Variants in ANOS1 observed in about 807,000 individuals in gnomAD.
The protein encoded by ANOS1 is anosmin-1.
ANOS1 carries 6 observed loss-of-function variants against 59.0 expected under a neutral mutation model. The ratio of observed to expected loss-of-function variants is 0.10; its 90% CI spans 0.06 to 0.20. The LOEUF is 0.20. Among genes scored for constraint, ANOS1 ranks in the 10% least tolerant of loss-of-function variants. ANOS1 has a pLI of 1.00. For missense variants in ANOS1, 433 were observed against 542.3 expected (o/e 0.80, Z 2.00); for synonymous variants, 217 against 223.4 (o/e 0.97, Z 0.25).
At chrX:8,721,485 T>C (rs1932874514) in intron 1 of ANOS1, among the ~76,000 whole-genome samples, 1 of 112,025 alleles carries the variant, frequency 8.9e-6, no homozygotes, top group East Asian at 2.8e-4. Flanking sequence ...CTGTGTCAGC[T>C]CCAAAACACT....
intron 3 of ANOS1, among the ~76,000 whole-genome samples, chrX:8,616,061 A>G (rs1931170297): frequency 9.1e-6 from 1 of 110,289 alleles, no homozygotes; most frequent in African/African-American, 3.3e-5. Context: ...TTTTTACAGT[A>G]ATGCTCACTG....
At chrX:8,705,043 A>G (rs918469615) in intron 1 of ANOS1, among the ~76,000 whole-genome samples, 34 of 111,588 alleles carry the variant, frequency 3.0e-4, no homozygotes, top group Middle Eastern at 4.6e-3. Flanking sequence ...CCTTGGGTGG[A>G]AGCAATTTTT....
chrX:8,682,354 CCA>C (rs757532758), intron 2 of ANOS1, among the ~76,000 whole-genome samples: 81 of 101,223 alleles, frequency 8.0e-4, no homozygotes, highest in Middle Eastern at 5.1e-3. Context: ...GAGAATTTCA[CCA>C]CACACACACA....
chrX:8,597,658 C>CTTT lies in ANOS1; in HGVS notation c.319-405_319-403dup, dbSNP rs35836743. ...ACTCTCTTTAATTTTTTCTTTCTCC[C>CTTT]TTTTTTTTTTTTTTTTTTTTTTTTT... On this transcript the variant is annotated intron_variant, in intron 3 of 13. Transcript: ENST00000262648. Among the ~76,000 whole-genome samples the CTTT allele has an allele frequency of 6.4e-3, 161 of 25,160 alleles. 7 individuals carry two copies. The highest frequency in any genetic ancestry group is 0.022 in the African/African-American group (159 of 7,308). The allele number at this position is 25,160 out of a possible 115,157, so 21.8% of individuals were successfully genotyped here. A position where few individuals can be genotyped will look rare whatever the true frequency, so the allele number is the denominator to read the frequency against.
chrX:8,567,664 C>T (rs992037111), intron 8 of ANOS1, among the ~76,000 whole-genome samples: 27 of 111,117 alleles, frequency 2.4e-4, no homozygotes, highest in Non-Finnish European at 4.3e-4. Flanking sequence ...CATGGTGGTG[C>T]ACGCCTGTAA....
At chrX:8,721,125 T>C (rs1312519854) in intron 1 of ANOS1, among the ~76,000 whole-genome samples, 1 of 111,341 alleles carries the variant, frequency 9.0e-6, no homozygotes. Flanking sequence ...TTTCAAGCCA[T>C]TTTCTATCAC....
At chrX:8,577,265 G>C (rs1218719294) in intron 6 of ANOS1, among the ~76,000 whole-genome samples, 1 of 111,764 alleles carries the variant, frequency 8.9e-6, no homozygotes, top group Non-Finnish European at 1.9e-5. Context: ...GGAAATTGAG[G>C]ATCACAGTTT....
chrX:8,685,614 AAG>A (rs1290450493), intron 2 of ANOS1, among the ~76,000 whole-genome samples: 2 of 91,840 alleles, frequency 2.2e-5, no homozygotes, highest in Non-Finnish European at 4.1e-5. Context: ...GAAAGAAAGA[AAG>A]AAAGAAAGAA....
chrX:8,726,861 T>C (rs1003864683), intron 1 of ANOS1, among the ~76,000 whole-genome samples: 24 of 112,110 alleles, frequency 2.1e-4, no homozygotes, highest in African/African-American at 7.8e-4. Flanking sequence ...TTCCTTCTTC[T>C]TTAATCTTCT....
chrX:8,595,195 T>C (rs1209985476), intron 4 of ANOS1, among the ~76,000 whole-genome samples: 1 of 111,460 alleles, frequency 9.0e-6, no homozygotes, highest in African/African-American at 3.3e-5. Context: ...ATTTTTATGG[T>C]GAATGCTACT....
At chrX:8,722,526 C>A (rs1187344877) in intron 1 of ANOS1, among the ~76,000 whole-genome samples, 1 of 110,980 alleles carries the variant, frequency 9.0e-6, no homozygotes, top group African/African-American at 3.3e-5. Flanking sequence ...GCTGCGAATA[C>A]CATCAGTTCA....
intron 4 of ANOS1, among the ~76,000 whole-genome samples, chrX:8,594,654 ATGTG>A (rs1245128075): frequency 6.6e-5 from 2 of 30,259 alleles, no homozygotes; most frequent in African/African-American, 3.1e-4. Context: ...ATATATATAT[ATGTG>A]TATATATATA....
chrX:8,554,319 TTGCCTC>T (rs1929906180), intron 8 of ANOS1, among the ~76,000 whole-genome samples: 1 of 110,954 alleles, frequency 9.0e-6, no homozygotes, highest in African/African-American at 3.3e-5. Flanking sequence ...GGGTGGGGCG[TTGCCTC>T]ACCCAGGAAG....
At chrX:8,678,861 C>T (rs1221385728) in intron 2 of ANOS1, among the ~76,000 whole-genome samples, 1 of 111,919 alleles carries the variant, frequency 8.9e-6, no homozygotes, top group Non-Finnish European at 1.9e-5. Context: ...AATCCACAGC[C>T]TCTTTTCCCA....
intron 10 of ANOS1, among the ~76,000 whole-genome samples, chrX:8,537,256 C>T (rs749894376): frequency 1.8e-5 from 2 of 111,558 alleles, no homozygotes; most frequent in South Asian, 7.5e-4. Flanking sequence ...TGGTGTAAAG[C>T]TGTAAATACA....
chrX:8,699,866 A>G (rs746993442), intron 1 of ANOS1, 121 bp from the exon 2 acceptor site: 77 of 469,739 alleles, frequency 1.6e-4, no homozygotes, highest in Non-Finnish European at 2.5e-4. Context: ...CAAATACCCA[A>G]TCTTGCAAAA....
chrX:8,541,432 AC>A (rs1431010294), intron 9 of ANOS1, among the ~76,000 whole-genome samples: 31 of 96,226 alleles, frequency 3.2e-4, no homozygotes, highest in Non-Finnish European at 5.1e-4. Context: ...AAACAAAAAA[AC>A]AAAAAAATAA....
At chrX:8,576,979 A>T (rs900464043) in intron 6 of ANOS1, among the ~76,000 whole-genome samples, 9 of 106,382 alleles carry the variant, frequency 8.5e-5, no homozygotes, top group African/African-American at 3.5e-4. Flanking sequence ...ACAATCACTC[A>T]ACTCTGCCCT....
At chrX:8,685,589 AAAGAAAGG>A (rs1338149210) in intron 2 of ANOS1, among the ~76,000 whole-genome samples, 6 of 73,579 alleles carry the variant, frequency 8.2e-5, no homozygotes, top group East Asian at 1.0e-3. Flanking sequence ...AAAGAAAGAG[AAAGAAAGG>A]AAGAAAGAAA....
Sources: gnomAD v4.1 joint callset for allele counts (sites outside exome capture counted in the v4.1 genomes callset) on GRCh38, gnomAD v4.1.1 for gene constraint, MANE v1.5 for transcripts, NCBI Gene and HGNC (gene_info 2026-07-23, HGNC 2026-07-21) for gene names.